Variants in KAZN observed in about 807,000 individuals in gnomAD.
The protein encoded by KAZN is kazrin, periplakin interacting protein, also known as kazrin.
A neutral mutation model predicts 87.4 loss-of-function variants in KAZN; 40 were observed. The ratio of observed to expected loss-of-function variants is 0.46; its 90% CI spans 0.36 to 0.60. The LOEUF is 0.60. Ranked by LOEUF, KAZN falls within the 20% of genes least tolerant of loss-of-function variation. KAZN has a pLI of 0.00. For missense variants in KAZN, 898 were observed against 1,073.9 expected (o/e 0.84, Z 2.29); for synonymous variants, 466 against 458.3 (o/e 1.02, Z -0.22).
chr1:14,295,453 C>G (rs1240910593), intron 2 of KAZN, among the ~76,000 whole-genome samples: 1 of 152,046 alleles, frequency 6.6e-6, no homozygotes, highest in Non-Finnish European at 1.5e-5. Context: ...ACACACACAC[C>G]CAAAGAGACT....
At chr1:14,857,959 C>T (rs1572663075) in intron 1 of KAZN, among the ~76,000 whole-genome samples, 1 of 152,104 alleles carries the variant, frequency 6.6e-6, no homozygotes, top group African/African-American at 2.4e-5. Flanking sequence ...CATTTCTTAT[C>T]CTCCCCCGAC....
At chr1:14,088,798 A>G (rs1483428926) in intron 1 of KAZN, among the ~76,000 whole-genome samples, 4 of 151,818 alleles carry the variant, frequency 2.6e-5, no homozygotes, top group Admixed American at 2.0e-4. Flanking sequence ...TGTTTCATAT[A>G]CTTTGATGTT....
chr1:14,961,478 C>G (rs1247271299), intron 2 of KAZN, among the ~76,000 whole-genome samples: 3 of 152,176 alleles, frequency 2.0e-5, no homozygotes, highest in African/African-American at 7.2e-5. Flanking sequence ...CCTGGTTTCC[C>G]TGGAGGGACC....
intron 1 of KAZN, among the ~76,000 whole-genome samples, chr1:13,967,841 G>C (rs1313308357): frequency 6.6e-6 from 1 of 152,198 alleles, no homozygotes; most frequent in African/African-American, 2.4e-5. Context: ...GTCAAGAACA[G>C]ATGCAGTGGG....
intron 2 of KAZN, among the ~76,000 whole-genome samples, chr1:14,551,127 A>G (rs538445928): frequency 1.2e-4 from 18 of 152,274 alleles, no homozygotes; most frequent in Admixed American, 7.8e-4. Context: ...GTGAGGCCCC[A>G]TAGATCGCAA....
chr1:14,752,275 T>C (rs1644433315), intron 1 of KAZN, among the ~76,000 whole-genome samples: 1 of 152,166 alleles, frequency 6.6e-6, no homozygotes, highest in African/African-American at 2.4e-5. Context: ...ATTCAAACCA[T>C]AGCAGACGAG....
chr1:14,785,285 C>T (rs1212529830), intron 1 of KAZN, among the ~76,000 whole-genome samples: 2 of 152,154 alleles, frequency 1.3e-5, no homozygotes, highest in African/African-American at 2.4e-5. Flanking sequence ...CCAACCTTCC[C>T]TTGGGAACTT....
intron 2 of KAZN, among the ~76,000 whole-genome samples, chr1:14,316,353 T>C (rs1008173680): frequency 6.6e-6 from 1 of 152,026 alleles, no homozygotes; most frequent in Admixed American, 6.6e-5. Context: ...TGGTAAGAAG[T>C]GGTACATAAT....
chr1:14,685,375 C>G (rs1041014046), intron 1 of KAZN, among the ~76,000 whole-genome samples: 1 of 152,166 alleles, frequency 6.6e-6, no homozygotes, highest in African/African-American at 2.4e-5. Flanking sequence ...GTCTGATGTA[C>G]AGGTGGCAGG....
intron 2 of KAZN, among the ~76,000 whole-genome samples, chr1:14,576,823 A>T (rs916378692): frequency 1.8e-4 from 27 of 152,228 alleles, no homozygotes; most frequent in South Asian, 4.1e-4. Flanking sequence ...CCAAGAGCAA[A>T]TAATACTTAT....
intron 2 of KAZN, among the ~76,000 whole-genome samples, chr1:14,442,471 T>C (rs1386854355): frequency 6.6e-6 from 1 of 152,192 alleles, no homozygotes; most frequent in Non-Finnish European, 1.5e-5. Flanking sequence ...ACAGAGGACC[T>C]GCTGAAACCC....
chr1:14,459,281 G>A (rs967203521), intron 2 of KAZN, among the ~76,000 whole-genome samples: 2 of 151,864 alleles, frequency 1.3e-5, no homozygotes, highest in East Asian at 3.9e-4. Context: ...GTGTGTGTGT[G>A]TATACATGCC....
At chr1:14,003,644 A>T (rs534453265) in intron 1 of KAZN, among the ~76,000 whole-genome samples, 32 of 152,338 alleles carry the variant, frequency 2.1e-4, no homozygotes, top group Non-Finnish European at 3.8e-4. Flanking sequence ...TTTTTATTTC[A>T]ATAAATGCTG....
rs116882742 is a variant in KAZN at position 13,973,661 on chromosome 1, C to T, written c.91+79905C>T. 1.4e-4 allele frequency among the ~76,000 whole-genome samples: 22 copies of T among 152,338 alleles called. No individual in the cohort carries two copies. The East Asian group carries it at 4.1e-3, about 28-fold the overall frequency. ...TTTTCTTAAATCCTGACCACACCTT[C>T]GTGCCTAATCCCTTTATGCATTTTC... On this transcript the variant is annotated intron_variant, in intron 1 of 16. Transcript: ENST00000636203.
At chr1:14,605,218 C>T (rs1050417007) in intron 1 of KAZN, among the ~76,000 whole-genome samples, 1 of 152,142 alleles carries the variant, frequency 6.6e-6, no homozygotes, top group Non-Finnish European at 1.5e-5. Context: ...TTTAATGTAG[C>T]AGTAAATGAG....
At chr1:15,072,755 A>G (rs370389154) in intron 8 of KAZN, among the ~76,000 whole-genome samples, 1 of 152,030 alleles carries the variant, frequency 6.6e-6, no homozygotes, top group African/African-American at 2.4e-5. Flanking sequence ...ACTGGGATTC[A>G]CCTCTAGCAG....
chr1:14,723,739 G>A (rs1011202927), intron 1 of KAZN, among the ~76,000 whole-genome samples: 8 of 152,164 alleles, frequency 5.3e-5, no homozygotes, highest in South Asian at 2.1e-4. Flanking sequence ...AAACCACGTC[G>A]GAGTGTGGCT....
intron 1 of KAZN, among the ~76,000 whole-genome samples, chr1:14,748,679 T>C (rs1644328323): frequency 6.6e-6 from 1 of 152,214 alleles, no homozygotes; most frequent in Non-Finnish European, 1.5e-5. Flanking sequence ...CAATCTCTTC[T>C]AAGAAATGGA....
chr1:13,990,294 A>G (rs1428974564), intron 1 of KAZN, among the ~76,000 whole-genome samples: 1 of 152,226 alleles, frequency 6.6e-6, no homozygotes, highest in Non-Finnish European at 1.5e-5. Context: ...CAAGAAAAGA[A>G]TGAATAAACA....
Sources: allele counts gnomAD v4.1 joint callset (sites outside exome capture counted in the v4.1 genomes callset), GRCh38; gene constraint gnomAD v4.1.1; transcripts MANE v1.5; gene names NCBI Gene and HGNC (gene_info 2026-07-23, HGNC 2026-07-21).